The following FYB2 variants were observed in gnomAD, a reference collection of about 807,000 sequenced individuals.
FYB2 encodes FYN-binding protein 2.
Under a neutral mutation model 94.1 loss-of-function variants are expected in FYB2, and 103 were observed. That is an observed-to-expected ratio of 1.09 (90% confidence interval 0.93 to 1.29). The LOEUF (loss-of-function observed/expected upper bound fraction) is 1.29, where lower values mean the gene tolerates loss of function less well. Ranked by LOEUF, FYB2 falls within the 50% of genes most tolerant of loss-of-function variation. FYB2 has a pLI of 0.00. For missense variants in FYB2, 896 were observed against 841.5 expected, an observed-to-expected ratio of 1.06 and a Z score of -0.80; for synonymous variants, 293 against 287.9, an observed-to-expected ratio of 1.02 and a Z score of -0.18.
At chr1:56,740,879 C>G (rs1202274295) in intron 12 of FYB2, 84 bp from the exon 13 acceptor site, 1 of 870,764 alleles carries the variant, frequency 1.1e-6, no homozygotes, top group Non-Finnish European at 1.7e-6. Flanking sequence ...AAATCAAATG[C>G]CACATGTTCT....
At chr1:56,725,383 T>G (rs1644563969) in intron 16 of FYB2, among the ~76,000 whole-genome samples, 1 of 152,106 alleles carries the variant, frequency 6.6e-6, no homozygotes, top group South Asian at 2.1e-4. Flanking sequence ...CAGAAATAAC[T>G]AGCCTTACAG....
intron 5 of FYB2, among the ~76,000 whole-genome samples, chr1:56,763,538 A>T (rs769038183): frequency 7.2e-5 from 11 of 152,100 alleles, no homozygotes; most frequent in Non-Finnish European, 1.5e-4. Flanking sequence ...TTAAATGTGG[A>T]GAGTTGTTCA....
intron 1 of FYB2, among the ~76,000 whole-genome samples, chr1:56,814,106 G>C (rs907676470): frequency 6.6e-6 from 1 of 152,200 alleles, no homozygotes; most frequent in Non-Finnish European, 1.5e-5. Context: ...GGTGTTGTCT[G>C]AGCTGAGTCA....
intron 1 of FYB2, among the ~76,000 whole-genome samples, chr1:56,808,631 C>T (rs1227375444): frequency 6.6e-6 from 1 of 152,190 alleles, no homozygotes; most frequent in Middle Eastern, 3.2e-3. Context: ...ACACATTCTG[C>T]AGCCTAGCTG....
At chr1:56,759,218 C>A (rs1303481629) in intron 5 of FYB2, among the ~76,000 whole-genome samples, 1 of 152,162 alleles carries the variant, frequency 6.6e-6, no homozygotes, top group Non-Finnish European at 1.5e-5. Flanking sequence ...GGCTGACCCA[C>A]CTTTTGACTT....
At chr1:56,801,637 T>C (rs1447919022) in intron 1 of FYB2, among the ~76,000 whole-genome samples, 1 of 152,200 alleles carries the variant, frequency 6.6e-6, no homozygotes, top group Non-Finnish European at 1.5e-5. Context: ...ACCCTACTCC[T>C]GGACACCCCC....
intron 3 of FYB2, 181 bp downstream of exon 3, chr1:56,788,792 G>C: frequency 1.3e-6 from 1 of 797,582 alleles, no homozygotes; most frequent in Non-Finnish European, 2.0e-6. Context: ...GAGCGATAAA[G>C]GGCCAATTCC....
Position 56,819,344 on chromosome 1 carries a change from T to A in FYB2, c.-54A>T. The A allele has an allele frequency of 6.2e-7, 1 of 1,610,836 alleles. No individual in the cohort carries two copies. Among genetic ancestry groups the A allele is most frequent in the Non-Finnish European group, 8.5e-7 (1 of 1,177,444 alleles). The stretch of plus-strand genomic sequence containing the variant: ...ACAAGCCCAGCCTCTCAGAGCTGGG[T>A]CCTGGGGCCAACAATCCGCTTTCCT... On this transcript the variant is annotated 5_prime_UTR_variant, in exon 1 of 20. Coordinates refer to ENST00000343433, the MANE Select transcript of FYB2 (RefSeq NM_001004303.5).
At chr1:56,729,331 A>G (rs1325709430) in intron 15 of FYB2, among the ~76,000 whole-genome samples, 1 of 152,062 alleles carries the variant, frequency 6.6e-6, no homozygotes, top group Non-Finnish European at 1.5e-5. Context: ...GAAAAGTGGG[A>G]ACAGTTTGAG....
chr1:56,725,632 G>C (rs535004802), intron 16 of FYB2, among the ~76,000 whole-genome samples: 151 of 152,132 alleles, frequency 9.9e-4, no homozygotes, highest in African/African-American at 3.3e-3. Context: ...ATAGAAAGCT[G>C]CTTTTCTAGT....
At chr1:56,737,457 G>A (rs952097820) in intron 14 of FYB2, 7 of 218,474 alleles carry the variant, frequency 3.2e-5, no homozygotes, top group Non-Finnish European at 5.3e-5. Context: ...GTCATTTTTA[G>A]ACTAAGTTCC....
intron 9 of FYB2, among the ~76,000 whole-genome samples, 179 bp downstream of exon 9, chr1:56,750,865 A>T (rs1352851888): frequency 6.6e-6 from 1 of 152,018 alleles, no homozygotes; most frequent in African/African-American, 2.4e-5. Context: ...TGAACTCAAG[A>T]CTTCTGCTTT....
At chr1:56,757,714 C>G (rs1461208835) in intron 6 of FYB2, among the ~76,000 whole-genome samples, 1 of 107,966 alleles carries the variant, frequency 9.3e-6, no homozygotes. Flanking sequence ...TTCTTTCTTT[C>G]TTTCTTTCTT....
At chr1:56,751,333 T>C (rs1421494087) in intron 8 of FYB2, 130 bp from the exon 9 acceptor site, 1 of 1,026,896 alleles carries the variant, frequency 9.7e-7, no homozygotes, top group Non-Finnish European at 1.4e-6. Context: ...CATTGAATAA[T>C]ATCTTACTAG....
At chr1:56,773,459 C>T (rs1015662004) in intron 4 of FYB2, among the ~76,000 whole-genome samples, 1 of 152,162 alleles carries the variant, frequency 6.6e-6, no homozygotes, top group Non-Finnish European at 1.5e-5. Flanking sequence ...TCATTATATG[C>T]ACCTCTCATT....
chr1:56,808,268 C>G (rs981171891), intron 1 of FYB2, among the ~76,000 whole-genome samples: 1 of 152,110 alleles, frequency 6.6e-6, no homozygotes, highest in Non-Finnish European at 1.5e-5. Context: ...CAGAACTAGA[C>G]CCACTGACCT....
At chr1:56,720,986 GT>G (rs915973190) in intron 17 of FYB2, 6 of 151,948 alleles carry the variant, frequency 3.9e-5, no homozygotes, top group African/African-American at 1.5e-4. Context: ...CTTTTTCTCT[GT>G]GTGAGCTTAT....
chr1:56,741,711 C>T (rs12047485), intron 12 of FYB2, among the ~76,000 whole-genome samples: 20,214 of 151,962 alleles, frequency 0.13, 1,446 homozygotes, highest in East Asian at 0.23. Context: ...CTGAATCACA[C>T]TACATGTTAT....
intron 16 of FYB2, among the ~76,000 whole-genome samples, chr1:56,724,818 A>G (rs1644553338): frequency 6.6e-6 from 1 of 151,854 alleles, no homozygotes. Context: ...TATGGTTTGG[A>G]TATTTGATTC....
Sources: gnomAD v4.1 joint callset for allele counts (sites outside exome capture counted in the v4.1 genomes callset) on GRCh38, gnomAD v4.1.1 for gene constraint, MANE v1.5 for transcripts, NCBI Gene and HGNC (gene_info 2026-07-23, HGNC 2026-07-21) for gene names.